Variants in NACC2 observed in about 807,000 individuals in gnomAD.
The protein encoded by NACC2 is NACC family member 2.
Under a neutral mutation model 25.1 loss-of-function variants are expected in NACC2, and 8 were observed. The ratio of observed to expected loss-of-function variants is 0.32; its 90% CI spans 0.19 to 0.57. The LOEUF (loss-of-function observed/expected upper bound fraction) is 0.57, where lower values mean the gene tolerates loss of function less well. Among genes scored for constraint, NACC2 ranks in the 20% least tolerant of loss-of-function variants. The pLI is 0.89. For missense variants in NACC2, 644 were observed against 650.2 expected (o/e 0.99, Z 0.10); for synonymous variants, 435 against 294.7 (o/e 1.48, Z -4.88).
intron 2 of NACC2, among the ~76,000 whole-genome samples, chr9:136,049,282 A>G (rs1840777110): frequency 6.6e-6 from 1 of 152,148 alleles, no homozygotes; most frequent in Non-Finnish European, 1.5e-5. Context: ...GACTGAGGTT[A>G]AAGGGGAAGT....
At chr9:136,024,503 A>AAG (rs1554736590) in intron 2 of NACC2, among the ~76,000 whole-genome samples, 1 of 124,664 alleles carries the variant, frequency 8.0e-6, no homozygotes, top group Non-Finnish European at 1.7e-5. Flanking sequence ...TGAGGACAGA[A>AAG]TGTGTGTGTG....
At chr9:136,045,466 C>A (rs1229387776) in intron 2 of NACC2, among the ~76,000 whole-genome samples, 1 of 152,224 alleles carries the variant, frequency 6.6e-6, no homozygotes, top group African/African-American at 2.4e-5. Context: ...CTGCCAGCCA[C>A]ACAGAGTGAC....
chr9:136,022,384 C>G lies in NACC2; in HGVS notation c.887-5955G>C, dbSNP rs541351468. On this transcript the variant is annotated intron_variant, in intron 2 of 5. Coordinates refer to ENST00000277554, the MANE Select transcript of NACC2 (RefSeq NM_144653.5). This position sits in a 1 kb window ranked among gnomAD's most constrained non-coding sequence, Gnocchi z 4.4. ...ACTCAACACCCTCCTGCCCGATGCC[C>G]AGCAAGGCTGGGACCACAACTTGCT... Among the ~76,000 whole-genome samples, 9 of 152,336 alleles carry G rather than the reference C, an allele frequency of 5.9e-5. No homozygotes were observed. The highest frequency in any genetic ancestry group is 1.0e-4 in the Non-Finnish European group (7 of 68,026).
At chr9:136,079,865 G>T (rs2131184724) in intron 1 of NACC2, among the ~76,000 whole-genome samples, 1 of 152,342 alleles carries the variant, frequency 6.6e-6, no homozygotes, top group South Asian at 2.1e-4. Context: ...AGGCCCCAGG[G>T]GCCAGGCCAC....
At chr9:136,075,611 C>T (rs1830254584) in intron 1 of NACC2, among the ~76,000 whole-genome samples, 1 of 152,222 alleles carries the variant, frequency 6.6e-6, no homozygotes, top group African/African-American at 2.4e-5. Context: ...TTCGGGGTCG[C>T]AGGTCCTGCG....
chr9:136,051,876 A>AAGAAGG (rs1840846757), intron 1 of NACC2, among the ~76,000 whole-genome samples: 2 of 132,330 alleles, frequency 1.5e-5, no homozygotes, highest in South Asian at 2.4e-4. Context: ...GGGAGCCGGC[A>AAGAAGG]AGGAGGAGGA....
At chr9:136,057,778 T>A (rs1840947250) in intron 1 of NACC2, among the ~76,000 whole-genome samples, 1 of 152,120 alleles carries the variant, frequency 6.6e-6, no homozygotes. Flanking sequence ...ACCCCCTCTC[T>A]TGATGGCCTG....
At position 136,062,762 on chromosome 9, in the gene NACC2, A is replaced by G. The variant is rs531085736; in HGVS notation, c.-59-12182T>C. Among the ~76,000 whole-genome samples the G allele has an allele frequency of 1.2e-4, 19 of 152,244 alleles. No individual in the cohort carries two copies. In the South Asian group the frequency reaches 3.3e-3, roughly 27 times the overall value. On this transcript the variant is annotated intron_variant, in intron 1 of 5. Transcript: ENST00000277554. Reference sequence around the variant, plus strand: ...AAACCCCATCTCTACAAAAAAATACAAAGACTTAGCCAAGTGTGGTGGTGT... The same window carrying G: ...AAACCCCATCTCTACAAAAAAATACGAAGACTTAGCCAAGTGTGGTGGTGT...
At chr9:136,073,272 A>G (rs1171188594) in intron 1 of NACC2, among the ~76,000 whole-genome samples, 2 of 152,070 alleles carry the variant, frequency 1.3e-5, no homozygotes, top group African/African-American at 2.4e-5. Flanking sequence ...TACAAAAAAT[A>G]AAAATAAACT....
chr9:136,013,208 C>T lies in NACC2; in HGVS notation c.1246G>A (p.Ala416Thr), dbSNP rs770058675. 17 of 1,599,742 alleles carry T rather than the reference C, an allele frequency of 1.1e-5. No homozygotes were observed. The highest frequency in any genetic ancestry group is 9.9e-5 in the South Asian group (9 of 90,524). Reference protein sequence around the residue: ...RKPLDSRVLNAVKLYCQNFAP... With the variant: ...RKPLDSRVLNTVKLYCQNFAP... ...ACCCCCAGGCTCTTACATTTCACAG[C>T]GTTCAGGACCCGGCTGTCCAGCGGC... The change falls in exon 5 of 6, where the codon GCT (alanine) becomes ACT (threonine). Residue 416 changes from alanine (A) to threonine (T), a missense_variant. Transcript: ENST00000277554. The surrounding 1 kb of genome is among the most constrained non-coding windows in gnomAD (Gnocchi z 6.6).
intron 2 of NACC2, among the ~76,000 whole-genome samples, chr9:136,021,408 G>A (rs540880731): frequency 7.9e-5 from 12 of 151,942 alleles, no homozygotes; most frequent in African/African-American, 2.9e-4. Flanking sequence ...ACGTCCTGAC[G>A]ACGTGGTCTC....
intron 1 of NACC2, among the ~76,000 whole-genome samples, chr9:136,056,369 G>A (rs1840924940): frequency 6.6e-6 from 1 of 152,164 alleles, no homozygotes; most frequent in Non-Finnish European, 1.5e-5. Context: ...ACAAAAGCCA[G>A]GATGGCGTGT....
intron 1 of NACC2, among the ~76,000 whole-genome samples, chr9:136,091,974 A>G (rs573443705): frequency 1.3e-5 from 2 of 152,180 alleles, no homozygotes; most frequent in South Asian, 4.1e-4. Flanking sequence ...CCAAGGCCCA[A>G]ACAACCTTCC....
At chr9:136,017,257 G>A (rs1032470921) in intron 2 of NACC2, among the ~76,000 whole-genome samples, 1 of 152,148 alleles carries the variant, frequency 6.6e-6, no homozygotes, top group Non-Finnish European at 1.5e-5. Flanking sequence ...ATGGCACCAC[G>A]CGTCAGAGAC....
chr9:136,051,820 G>A (rs1840844825), intron 1 of NACC2, among the ~76,000 whole-genome samples: 1 of 152,050 alleles, frequency 6.6e-6, no homozygotes, highest in Non-Finnish European at 1.5e-5. Flanking sequence ...CAGCTGCTCC[G>A]CGAATGCAGC....
chr9:136,043,801 CT>C (rs1840681471), intron 2 of NACC2, among the ~76,000 whole-genome samples: 2 of 152,278 alleles, frequency 1.3e-5, no homozygotes, highest in South Asian at 4.2e-4. Flanking sequence ...TGATGGCACA[CT>C]TTGTAAAGGA....
At chr9:136,058,502 G>A (rs1445946669) in intron 1 of NACC2, among the ~76,000 whole-genome samples, 1 of 152,220 alleles carries the variant, frequency 6.6e-6, no homozygotes. Flanking sequence ...TGGGACCTGG[G>A]CTTTCTCAGC....
In NACC2 at chr9:136,013,346, A is replaced by G. The variant is rs375824838; in HGVS notation, c.1158-50T>C. ...GCAGGGTGAGGATGATGGGGAGGGT[A>G]CCTGGAGGCGACCCGCCCGCACGAA... On this transcript the variant is annotated intron_variant, in intron 4 of 5. Transcript: ENST00000277554. The surrounding 1 kb of genome is among the most constrained non-coding windows in gnomAD (Gnocchi z 6.6). 4 of 1,551,474 alleles carry G rather than the reference A, an allele frequency of 2.6e-6. No individual in the cohort carries two copies. In the African/African-American group the frequency reaches 4.1e-5, roughly 16 times the overall value.
At chr9:136,083,517 C>G (rs866889322) in intron 1 of NACC2, among the ~76,000 whole-genome samples, 7 of 152,256 alleles carry the variant, frequency 4.6e-5, no homozygotes, top group Non-Finnish European at 8.8e-5. Flanking sequence ...AGATCAAGTT[C>G]ACATGAGAGC....
Sources: gnomAD v4.1 joint callset for allele counts (sites outside exome capture counted in the v4.1 genomes callset) on GRCh38, gnomAD v4.1.1 for gene constraint, Gnocchi (gnomAD v3.1) non-coding constraint, MANE v1.5 for transcripts, NCBI Gene and HGNC (gene_info 2026-07-23, HGNC 2026-07-21) for gene names.